Variants in NEO1 observed in about 807,000 individuals in gnomAD.
NEO1 encodes neogenin.
Under a neutral mutation model 159.7 loss-of-function variants are expected in NEO1, and 63 were observed. The observed-to-expected ratio is 0.39, with a 90% CI of 0.32 to 0.49. The LOEUF (loss-of-function observed/expected upper bound fraction) is 0.49, where lower values mean the gene tolerates loss of function less well. NEO1 is among the 20% of genes least tolerant of loss of function. NEO1 has a pLI of 0.85. For missense variants in NEO1, 1,615 were observed against 1,831.0 expected (o/e 0.88, Z 2.15); for synonymous variants, 633 against 662.0 (o/e 0.96, Z 0.67).
At chr15:73,176,174 A>G (rs1270714209) in intron 5 of NEO1, among the ~76,000 whole-genome samples, 1 of 152,226 alleles carries the variant, frequency 6.6e-6, no homozygotes, top group Non-Finnish European at 1.5e-5. Context: ...AAACTCAGAA[A>G]TTATCTTTAA....
intron 1 of NEO1, among the ~76,000 whole-genome samples, chr15:73,115,524 T>C (rs1275953750): frequency 6.6e-6 from 1 of 152,230 alleles, no homozygotes; most frequent in Non-Finnish European, 1.5e-5. Flanking sequence ...ATAGAATTTA[T>C]GTCATCCTTA....
intron 21 of NEO1, 74 bp downstream of exon 21, chr15:73,274,798 T>A: frequency 5.8e-6 from 4 of 685,732 alleles, no homozygotes; most frequent in Non-Finnish European, 6.1e-6. Context: ...TTTTGTTTCT[T>A]TTTTTTTTTT....
chr15:73,290,122 G>A (rs1311978450), intron 25 of NEO1, among the ~76,000 whole-genome samples: 1 of 150,378 alleles, frequency 6.6e-6, no homozygotes, highest in African/African-American at 2.5e-5. Context: ...GGGCAACAGA[G>A]CCAAGAGCCA....
At chr15:73,199,904 T>C (rs1197791970) in intron 7 of NEO1, among the ~76,000 whole-genome samples, 1 of 152,162 alleles carries the variant, frequency 6.6e-6, no homozygotes, top group East Asian at 1.9e-4. Context: ...AAACCTTTTA[T>C]AGGGGTGCTA....
chr15:73,168,661 A>G (rs967714782), intron 5 of NEO1, among the ~76,000 whole-genome samples: 5 of 152,172 alleles, frequency 3.3e-5, no homozygotes, highest in Admixed American at 1.3e-4. Context: ...CTTCAAACTT[A>G]CATCATAAGT....
intron 7 of NEO1, among the ~76,000 whole-genome samples, chr15:73,193,699 C>T (rs1176777021): frequency 1.3e-5 from 2 of 150,174 alleles, no homozygotes; most frequent in Admixed American, 6.7e-5. Flanking sequence ...CATGGTCACC[C>T]CAATTGTTGC....
intron 7 of NEO1, among the ~76,000 whole-genome samples, chr15:73,216,373 A>C (rs1179951471): frequency 6.6e-6 from 1 of 152,182 alleles, no homozygotes; most frequent in Non-Finnish European, 1.5e-5. Context: ...TGCTATTGTG[A>C]ATAGTGCCGC....
intron 5 of NEO1, 128 bp downstream of exon 5, chr15:73,136,155 T>A (rs897029898): frequency 2.2e-5 from 14 of 646,812 alleles, no homozygotes; most frequent in African/African-American, 1.5e-4. Context: ...TAGACCAGAC[T>A]GCTTGGGTTT....
At chr15:73,191,029 CG>C (rs1404049203) in intron 7 of NEO1, among the ~76,000 whole-genome samples, 2 of 151,990 alleles carry the variant, frequency 1.3e-5, no homozygotes, top group Admixed American at 1.3e-4. Flanking sequence ...TGCTTCAGAA[CG>C]CTTTTTCCGT....
At chr15:73,209,264 T>G (rs2037413902) in intron 7 of NEO1, among the ~76,000 whole-genome samples, 1 of 152,232 alleles carries the variant, frequency 6.6e-6, no homozygotes, top group Non-Finnish European at 1.5e-5. Context: ...CAGCCTGAAC[T>G]CATTGTATCT....
intron 26 of NEO1, among the ~76,000 whole-genome samples, chr15:73,296,042 G>A (rs1040285562): frequency 5.9e-5 from 9 of 152,276 alleles, no homozygotes; most frequent in South Asian, 2.1e-4. Context: ...TGGGGCCCCC[G>A]GAGTTGTGCA....
chr15:73,285,490 A>C (rs1398439829), intron 23 of NEO1, among the ~76,000 whole-genome samples: 2 of 152,212 alleles, frequency 1.3e-5, no homozygotes, highest in African/African-American at 4.8e-5. Flanking sequence ...GAAAATCATC[A>C]TATCAGATCT....
At chr15:73,163,239 T>G (rs2034318082) in intron 5 of NEO1, among the ~76,000 whole-genome samples, 1 of 152,202 alleles carries the variant, frequency 6.6e-6, no homozygotes, top group Non-Finnish European at 1.5e-5. Flanking sequence ...TACCAGAGAT[T>G]TATATTTCAT....
intron 1 of NEO1, among the ~76,000 whole-genome samples, chr15:73,108,427 G>T (rs902995436): frequency 6.6e-6 from 1 of 152,140 alleles, no homozygotes; most frequent in African/African-American, 2.4e-5. Context: ...GGAGACTAAG[G>T]CTGATCTTAG....
In NEO1 at chr15:73,170,754, C is replaced by T. The variant is rs557576746; in HGVS notation, c.1016-5649C>T. On this transcript the variant is annotated intron_variant, in intron 5 of 28. Coordinates refer to ENST00000261908, the MANE Select transcript of NEO1 (RefSeq NM_002499.4). ...GTCAAGCATTTATTCTGCCCCTTTT[C>T]GAAGTACGGTACTTTAGGATAACCA... Among the ~76,000 whole-genome samples, 6 of 152,168 alleles carry T rather than the reference C, an allele frequency of 3.9e-5. No homozygotes were observed. The East Asian group carries it at 5.8e-4, about 15-fold the overall frequency.
intron 19 of NEO1, 38 bp from the exon 20 acceptor site, chr15:73,273,773 G>C: frequency 6.6e-7 from 1 of 1,519,484 alleles, no homozygotes; most frequent in Non-Finnish European, 9.0e-7. Context: ...AGGAAAAGCA[G>C]GAGTGAGATT....
chr15:73,114,056 G>A (rs1020369184), intron 1 of NEO1, among the ~76,000 whole-genome samples: 2 of 152,158 alleles, frequency 1.3e-5, no homozygotes, highest in Non-Finnish European at 2.9e-5. Context: ...AACATTTGGA[G>A]TGCTCTGTAG....
Position 73,298,337 on chromosome 15 carries a change from T to A in NEO1, c.3902-11T>A. 6.2e-7 allele frequency: 1 copy of A among 1,613,042 alleles called. No homozygotes were observed. Among genetic ancestry groups the A allele is most frequent in the Non-Finnish European group, 8.5e-7 (1 of 1,179,070 alleles). Reference sequence around the variant, plus strand: ...AAAAGAAATGCTAACATTTAGACTTTCCTGCTGTAGAATCCGTTCGAAATA... The same window carrying A: ...AAAAGAAATGCTAACATTTAGACTTACCTGCTGTAGAATCCGTTCGAAATA... On this transcript the variant is annotated splice_polypyrimidine_tract_variant and intron_variant, in intron 26 of 28. Coordinates refer to ENST00000261908, the MANE Select transcript of NEO1 (RefSeq NM_002499.4).
intron 7 of NEO1, among the ~76,000 whole-genome samples, chr15:73,232,067 T>G (rs577879274): frequency 6.6e-6 from 1 of 152,324 alleles, no homozygotes; most frequent in African/African-American, 2.4e-5. Flanking sequence ...AATGACTGCC[T>G]TTTTTACCCC....
Sources: gnomAD v4.1 joint callset for allele counts (sites outside exome capture counted in the v4.1 genomes callset) on GRCh38, gnomAD v4.1.1 for gene constraint, MANE v1.5 for transcripts, NCBI Gene and HGNC (gene_info 2026-07-23, HGNC 2026-07-21) for gene names.